Variants in SCHIP1 observed in about 807,000 individuals in gnomAD.
The protein encoded by SCHIP1 is schwannomin interacting protein 1, also known as schwannomin-interacting protein 1.
A neutral mutation model predicts 29.7 loss-of-function variants in SCHIP1; 8 were observed. The ratio of observed to expected loss-of-function variants is 0.27; its 90% CI spans 0.16 to 0.49. SCHIP1 has a LOEUF of 0.49. Among genes scored for constraint, SCHIP1 ranks in the 20% least tolerant of loss-of-function variants. SCHIP1 has a pLI of 0.99. For missense variants in SCHIP1, 193 were observed against 294.6 expected, an observed-to-expected ratio of 0.66 and a Z score of 2.52; for synonymous variants, 76 against 94.9, an observed-to-expected ratio of 0.80 and a Z score of 1.16.
chr3:159,589,386 A>G, the SCHIP1 span, among the ~76,000 whole-genome samples: 1 of 152,172 alleles, frequency 6.6e-6, no homozygotes, highest in Non-Finnish European at 1.5e-5. Context: ...TTTTCTAGAT[A>G]TACAGTCATG....
the SCHIP1 span, among the ~76,000 whole-genome samples, chr3:159,568,792 T>A: frequency 6.6e-6 from 1 of 152,110 alleles, no homozygotes; most frequent in African/African-American, 2.4e-5. Flanking sequence ...TTTTGTTTCC[T>A]TCGTCTATCA....
At chr3:159,793,693 G>T in the SCHIP1 span, among the ~76,000 whole-genome samples, 1 of 152,126 alleles carries the variant, frequency 6.6e-6, no homozygotes, top group Non-Finnish European at 1.5e-5. Context: ...AAGTAGCTGG[G>T]ATTACAGGCG....
At chr3:159,753,105 GT>G in the SCHIP1 span, among the ~76,000 whole-genome samples, 1 of 152,050 alleles carries the variant, frequency 6.6e-6, no homozygotes, top group African/African-American at 2.4e-5. Context: ...TCTTCTCCTA[GT>G]TCTATAAGTG....
the SCHIP1 span, among the ~76,000 whole-genome samples, chr3:159,336,186 G>T: frequency 6.6e-6 from 1 of 152,106 alleles, no homozygotes; most frequent in African/African-American, 2.4e-5. Flanking sequence ...CTTTTTGATG[G>T]AGTTGTTTGT....
the SCHIP1 span, among the ~76,000 whole-genome samples, chr3:159,342,717 G>T: frequency 6.6e-6 from 1 of 152,004 alleles, no homozygotes; most frequent in East Asian, 1.9e-4. Flanking sequence ...AGTAAATTTT[G>T]GCTATATTGT....
At chr3:159,400,878 C>CA in the SCHIP1 span, among the ~76,000 whole-genome samples, 3 of 152,176 alleles carry the variant, frequency 2.0e-5, no homozygotes, top group African/African-American at 7.2e-5. Context: ...TCTAGACTTC[C>CA]AGGTCTTCCC....
chr3:159,570,109 T>C, the SCHIP1 span, among the ~76,000 whole-genome samples: 1 of 152,210 alleles, frequency 6.6e-6, no homozygotes, highest in Non-Finnish European at 1.5e-5. Flanking sequence ...TTCACTCTGA[T>C]GGTAGTTTCT....
the SCHIP1 span, among the ~76,000 whole-genome samples, chr3:159,766,376 T>A: frequency 6.6e-6 from 1 of 152,226 alleles, no homozygotes; most frequent in Non-Finnish European, 1.5e-5. Context: ...CTTGGGAAAC[T>A]ACTTAATAAA....
upstream of SCHIP1, among the ~76,000 whole-genome samples, chr3:159,835,550 G>T (rs977209293): frequency 3.3e-5 from 5 of 152,158 alleles, no homozygotes; most frequent in African/African-American, 1.2e-4. Context: ...AAAGTAAGTT[G>T]CAGACATCAG....
chr3:159,745,812 A>G, the SCHIP1 span, among the ~76,000 whole-genome samples: 3 of 152,176 alleles, frequency 2.0e-5, no homozygotes, highest in Non-Finnish European at 4.4e-5. Context: ...CAGTCATGTT[A>G]ATGTCTTAGT....
chr3:159,419,637 C>T, the SCHIP1 span, among the ~76,000 whole-genome samples: 1 of 152,056 alleles, frequency 6.6e-6, no homozygotes, highest in Admixed American at 6.6e-5. Flanking sequence ...GGTGAAACCC[C>T]ATCTCTACTA....
chr3:159,377,774 G>C, the SCHIP1 span, among the ~76,000 whole-genome samples: 1,233 of 152,250 alleles, frequency 8.1e-3, 9 homozygotes, highest in South Asian at 0.019. Context: ...TTATAAGCCT[G>C]CTTCTTAGGA....
chr3:159,516,924 C>A, the SCHIP1 span, among the ~76,000 whole-genome samples: 1 of 152,164 alleles, frequency 6.6e-6, no homozygotes, highest in Admixed American at 6.5e-5. Flanking sequence ...ACAGGAACTG[C>A]ACGAGATAAT....
At chr3:159,769,607 G>A in the SCHIP1 span, among the ~76,000 whole-genome samples, 8 of 151,832 alleles carry the variant, frequency 5.3e-5, no homozygotes, top group South Asian at 2.1e-4. Context: ...AAAATTAGCC[G>A]GGCATGGTGG....
At chr3:159,458,213 A>G in the SCHIP1 span, among the ~76,000 whole-genome samples, 1 of 152,230 alleles carries the variant, frequency 6.6e-6, no homozygotes, top group African/African-American at 2.4e-5. Context: ...CACTGATCCA[A>G]TGACAACCCT....
chr3:159,889,369 G>A (rs897647284), intron 5 of SCHIP1, among the ~76,000 whole-genome samples: 1 of 152,210 alleles, frequency 6.6e-6, no homozygotes, highest in African/African-American at 2.4e-5. Flanking sequence ...AGGTGGTGGA[G>A]TATGTGGAAC....
the SCHIP1 span, among the ~76,000 whole-genome samples, chr3:159,756,506 A>G: frequency 6.6e-6 from 1 of 152,184 alleles, no homozygotes; most frequent in Non-Finnish European, 1.5e-5. Flanking sequence ...CTAGGCTTGC[A>G]GGTCTATGAC....
At chr3:159,417,045 A>C in the SCHIP1 span, among the ~76,000 whole-genome samples, 1 of 152,328 alleles carries the variant, frequency 6.6e-6, no homozygotes, top group East Asian at 1.9e-4. Flanking sequence ...AATGTGGCTG[A>C]AAATGAACAG....
At chr3:159,583,145 T>C in the SCHIP1 span, among the ~76,000 whole-genome samples, 1 of 152,164 alleles carries the variant, frequency 6.6e-6, no homozygotes, top group East Asian at 1.9e-4. Context: ...AAATTAAATT[T>C]ACACAACCTA....
Sources: allele counts gnomAD v4.1 joint callset (sites outside exome capture counted in the v4.1 genomes callset), GRCh38; gene constraint gnomAD v4.1.1; transcripts MANE v1.5; gene names NCBI Gene and HGNC (gene_info 2026-07-23, HGNC 2026-07-21).